The following CLDN14 variants were observed in gnomAD, a reference collection of about 807,000 sequenced individuals.
The protein encoded by CLDN14 is claudin 14, also known as claudin-14.
Under a neutral mutation model 2.1 loss-of-function variants are expected in CLDN14, and 2 were observed. That is an observed-to-expected ratio of 0.96 (90% CI 0.39 to 3.01). CLDN14 has a LOEUF of 3.01. Among genes scored for constraint, CLDN14 ranks in the 30% most tolerant of loss-of-function variants. The pLI is 0.09. For missense variants in CLDN14, 298 were observed against 328.0 expected (o/e 0.91, Z 0.71); for synonymous variants, 136 against 154.4 (o/e 0.88, Z 0.88).
intron 1 of CLDN14, among the ~76,000 whole-genome samples, chr21:36,528,396 C>A (rs1262438312): frequency 6.6e-6 from 1 of 152,164 alleles, no homozygotes; most frequent in Non-Finnish European, 1.5e-5. Context: ...GGATTCGAAC[C>A]CACAGTCCTG....
At position 36,473,463 on chromosome 21, in the gene CLDN14, A is replaced by G. The variant is rs1476104268; in HGVS notation, c.-82+6032T>C. On this transcript the variant is annotated intron_variant, in intron 1 of 1. Coordinates refer to ENST00000399135, the MANE Select transcript of CLDN14 (RefSeq NM_001146079.2). ...CCTTAGAATAAATAGATCTCTTTCT[A>G]TATAAATGCATATTCGATTGGCTCT... Among the ~76,000 whole-genome samples, 5 of 152,228 alleles carry G rather than the reference A, an allele frequency of 3.3e-5. No individual in the cohort carries two copies. The South Asian group carries it at 8.3e-4, about 25-fold the overall frequency.
chr21:36,511,861 C>G (rs901772484), intron 1 of CLDN14, among the ~76,000 whole-genome samples: 5 of 152,294 alleles, frequency 3.3e-5, no homozygotes, highest in African/African-American at 1.2e-4. Flanking sequence ...TAGCCTCGTA[C>G]TGAAGTAATT....
rs76633772 is a variant in CLDN14 at position 36,485,164 on chromosome 21, T to C, written c.-81-23388A>G. On this transcript the variant is annotated intron_variant, in intron 2 of 2. Coordinates refer to the CLDN14 transcript ENST00000342108. ...CACCCACTGACAGCCATATGTGTTC[T>C]TTACAGTTGCCACTATTTCTATGAC... Among the ~76,000 whole-genome samples, 1,070 of 151,708 alleles carry C rather than the reference T, an allele frequency of 7.1e-3. 21 individuals carry two copies. Among genetic ancestry groups the C allele is most frequent in the African/African-American group, 0.023 (940 of 41,542 alleles).
chr21:36,473,794 G>C (rs928896204), intron 1 of CLDN14, among the ~76,000 whole-genome samples: 8 of 152,222 alleles, frequency 5.3e-5, no homozygotes, highest in Admixed American at 4.6e-4. Flanking sequence ...GATAGAGGTA[G>C]GAAGAGGAGC....
At chr21:36,537,721 C>T (rs1439967610) in intron 1 of CLDN14, among the ~76,000 whole-genome samples, 1 of 147,122 alleles carries the variant, frequency 6.8e-6, no homozygotes, top group East Asian at 2.0e-4. Flanking sequence ...GTGATCTTGG[C>T]TCACTGCCAC....
chr21:36,559,241 G>C (rs1415512954), intron 1 of CLDN14, among the ~76,000 whole-genome samples: 1 of 151,572 alleles, frequency 6.6e-6, no homozygotes, highest in Admixed American at 6.6e-5. Context: ...CGCTCTTGTC[G>C]CCCAGGCTGG....
chr21:36,512,142 G>A (rs1406556278), intron 1 of CLDN14, among the ~76,000 whole-genome samples: 1 of 152,188 alleles, frequency 6.6e-6, no homozygotes, highest in African/African-American at 2.4e-5. Flanking sequence ...CTAAATTGAT[G>A]ACTAGCTCAG....
Position 36,498,891 on chromosome 21 carries a change from A to G in CLDN14, c.-82+11472T>C, listed in dbSNP as rs1023785558. 1.3e-5 allele frequency among the ~76,000 whole-genome samples: 2 copies of G among 152,060 alleles called. No homozygotes were observed. The highest frequency in any genetic ancestry group is 3.9e-4 in the East Asian group (2 of 5,180). On this transcript the variant is annotated intron_variant, in intron 2 of 2. Coordinates refer to the CLDN14 transcript ENST00000342108. The surrounding 1 kb of genome is among the most constrained non-coding windows in gnomAD (Gnocchi z 4.9). ...AGGCTTGATTCCTGCCTGAGGTGCC[A>G]GGAACCTGTCCCTTTCTTCTAGGTG...
intron 2 of CLDN14, among the ~76,000 whole-genome samples, chr21:36,502,669 A>G (rs1312690383): frequency 6.6e-6 from 1 of 152,180 alleles, no homozygotes; most frequent in East Asian, 1.9e-4. Flanking sequence ...TTTGACACGG[A>G]TGTCTTTAGG....
intron 1 of CLDN14, among the ~76,000 whole-genome samples, chr21:36,474,621 GAAC>G (rs1372238583): frequency 5.3e-5 from 8 of 152,184 alleles, no homozygotes; most frequent in Non-Finnish European, 1.2e-4. Context: ...CCGCCACCCA[GAAC>G]AACACCGATA....
Position 36,543,156 on chromosome 21 carries a change from C to G in CLDN14, c.-219-32656G>C, listed in dbSNP as rs117100299. On this transcript the variant is annotated intron_variant, in intron 1 of 2. Coordinates refer to the CLDN14 transcript ENST00000342108. ...ACTCAACTGCTGGGGCAGGGGCTGC[C>G]CTCTGGGGTAGAGGGACCCCCAGTT... Among the ~76,000 whole-genome samples the G allele has an allele frequency of 6.9e-3, 1,051 of 152,262 alleles. 8 individuals are homozygous for G. The highest frequency in any genetic ancestry group is 0.011 in the Non-Finnish European group (733 of 68,026).
At chr21:36,500,361 C>G (rs1268786186) in intron 2 of CLDN14, among the ~76,000 whole-genome samples, 3 of 152,184 alleles carry the variant, frequency 2.0e-5, no homozygotes, top group Non-Finnish European at 2.9e-5. Flanking sequence ...GACAGTGACA[C>G]GTCCCGCTGA....
At chr21:36,529,873 G>T (rs925864722) in intron 1 of CLDN14, among the ~76,000 whole-genome samples, 1 of 152,104 alleles carries the variant, frequency 6.6e-6, no homozygotes, top group Non-Finnish European at 1.5e-5. Flanking sequence ...GCAGAACAAC[G>T]TAGTGCTGTG....
At chr21:36,471,382 G>T (rs909506854) in intron 1 of CLDN14, among the ~76,000 whole-genome samples, 1 of 152,216 alleles carries the variant, frequency 6.6e-6, no homozygotes, top group Non-Finnish European at 1.5e-5. Flanking sequence ...AAGCCATATA[G>T]TAATCAAATG....
At chr21:36,494,610 G>A (rs894703599) in intron 2 of CLDN14, among the ~76,000 whole-genome samples, 3 of 152,166 alleles carry the variant, frequency 2.0e-5, no homozygotes, top group Non-Finnish European at 4.4e-5. Flanking sequence ...AAATGAGTTC[G>A]TACGGGTGGG....
intron 1 of CLDN14, among the ~76,000 whole-genome samples, chr21:36,518,917 C>T (rs994740192): frequency 3.3e-5 from 5 of 152,200 alleles, no homozygotes; most frequent in Non-Finnish European, 4.4e-5. Flanking sequence ...TGCAACCTCC[C>T]CGCTAGTAAA....
chr21:36,509,361 G>T (rs576984682), intron 2 of CLDN14, among the ~76,000 whole-genome samples: 1 of 152,242 alleles, frequency 6.6e-6, no homozygotes, highest in Non-Finnish European at 1.5e-5. Context: ...GAGAAGGGTA[G>T]ATGTTTGGAG....
chr21:36,509,968 T>G (rs2087170760), intron 2 of CLDN14, among the ~76,000 whole-genome samples: 1 of 152,166 alleles, frequency 6.6e-6, no homozygotes, highest in Non-Finnish European at 1.5e-5. Context: ...AACCTGTCAA[T>G]CCCTAAACAA....
At chr21:36,538,475 G>A (rs1394389269) in intron 1 of CLDN14, among the ~76,000 whole-genome samples, 3 of 152,240 alleles carry the variant, frequency 2.0e-5, no homozygotes, top group South Asian at 2.1e-4. Context: ...TTAGCTGGGT[G>A]TGGTGGCACA....
Sources: gnomAD v4.1 joint callset for allele counts (sites outside exome capture counted in the v4.1 genomes callset) on GRCh38, gnomAD v4.1.1 for gene constraint, Gnocchi (gnomAD v3.1) non-coding constraint, MANE v1.5 for transcripts, NCBI Gene and HGNC (gene_info 2026-07-23, HGNC 2026-07-21) for gene names.